Variants in GXYLT1 observed in about 807,000 individuals in gnomAD.
GXYLT1 encodes the protein glucoside xylosyltransferase 1, also known as glycosyltransferase 8 domain containing 3.
In GXYLT1, 29 loss-of-function variants were observed where a neutral mutation model predicts 54.0. The ratio of observed to expected loss-of-function variants is 0.54; its 90% confidence interval spans 0.40 to 0.73. The LOEUF (loss-of-function observed/expected upper bound fraction) is 0.73, where lower values mean the gene tolerates loss of function less well. GXYLT1 is among the 30% of genes least tolerant of loss of function. GXYLT1 has a pLI of 0.00. For synonymous variants in GXYLT1, 176 were observed against 204.1 expected, an observed-to-expected ratio of 0.86 and a Z score of 1.17; for missense variants, 490 against 553.4, an observed-to-expected ratio of 0.89 and a Z score of 1.15.
At chr12:42,095,451 A>G (rs925207490) in intron 7 of GXYLT1, among the ~76,000 whole-genome samples, 1 of 152,210 alleles carries the variant, frequency 6.6e-6, no homozygotes, top group African/African-American at 2.4e-5. Context: ...AAAACTGAGG[A>G]AAATATCTCC....
At chr12:42,088,430 G>A (rs2136869775) in intron 7 of GXYLT1, among the ~76,000 whole-genome samples, 1 of 152,200 alleles carries the variant, frequency 6.6e-6, no homozygotes. Context: ...AACCCTAACT[G>A]CACAGAAGGA....
intron 5 of GXYLT1, among the ~76,000 whole-genome samples, chr12:42,105,051 A>C (rs1381138807): frequency 6.6e-6 from 1 of 152,198 alleles, no homozygotes; most frequent in African/African-American, 2.4e-5. Flanking sequence ...CATACTTAAA[A>C]GTTAACTAAG....
intron 4 of GXYLT1, among the ~76,000 whole-genome samples, chr12:42,108,544 G>A (rs574154763): frequency 3.9e-5 from 6 of 152,080 alleles, no homozygotes; most frequent in East Asian, 3.9e-4. Flanking sequence ...CAAAACCTAC[G>A]TGAAGTATCT....
At chr12:42,088,043 T>C in intron 7 of GXYLT1, 96 bp from the exon 8 acceptor site, 1 of 550,888 alleles carries the variant, frequency 1.8e-6, no homozygotes. Context: ...CAGTTTAATA[T>C]GAACGATCTC....
At chr12:42,133,831 A>G (rs2065605557) in intron 1 of GXYLT1, among the ~76,000 whole-genome samples, 1 of 152,146 alleles carries the variant, frequency 6.6e-6, no homozygotes, top group Admixed American at 6.5e-5. Context: ...AAGGTGAGAG[A>G]CCTAACCAAC....
rs763067994 is a variant in GXYLT1 at position 42,138,520 on chromosome 12, T to C, written c.221+5906A>G. Among the ~76,000 whole-genome samples, 14 of 129,642 alleles carry C rather than the reference T, an allele frequency of 1.1e-4. No homozygotes were observed. The South Asian group carries it at 1.1e-3, about 11-fold the overall frequency. 85.1% of individuals were successfully genotyped at this position (129,642 alleles called of 152,430 possible). A position where few individuals can be genotyped will look rare whatever the true frequency, so the allele number is the denominator to read the frequency against. ...CCCCCAGCTCCCCCACAAAGCTGGATTGATTTAAATCTAAAAAAGGGAGGG... is the reference window on the plus strand; with the variant it reads ...CCCCCAGCTCCCCCACAAAGCTGGACTGATTTAAATCTAAAAAAGGGAGGG... On this transcript the variant is annotated intron_variant, in intron 1 of 7. Coordinates refer to ENST00000398675, the MANE Select transcript of GXYLT1 (RefSeq NM_173601.2).
intron 2 of GXYLT1, among the ~76,000 whole-genome samples, chr12:42,126,312 C>T (rs1342686562): frequency 6.6e-6 from 1 of 151,970 alleles, no homozygotes; most frequent in Non-Finnish European, 1.5e-5. Flanking sequence ...TGACCTCAGG[C>T]GATCGGCACG....
At position 42,095,682 on chromosome 12, in the gene GXYLT1, T is replaced by C. The variant is rs181591164; in HGVS notation, c.1161+1760A>G. 2.6e-5 allele frequency among the ~76,000 whole-genome samples: 4 copies of C among 152,202 alleles called. No homozygotes were observed. In the East Asian group the frequency reaches 5.8e-4, roughly 22 times the overall value. On this transcript the variant is annotated intron_variant, in intron 7 of 7. Coordinates refer to ENST00000398675, the MANE Select transcript of GXYLT1 (RefSeq NM_173601.2). ...CAGGTTACATCTGAGTAAACCCTTA[T>C]GTTATTCTGACTTTGTGAAGTATAT...
chr12:42,140,290 T>C (rs1202147565), intron 1 of GXYLT1, among the ~76,000 whole-genome samples: 1 of 142,424 alleles, frequency 7.0e-6, no homozygotes, highest in Non-Finnish European at 1.5e-5. Flanking sequence ...CTGGAGCACA[T>C]ATCTAAAACA....
rs142012385 is a variant in GXYLT1 at position 42,110,188 on chromosome 12, T to C, written c.487-497A>G. On this transcript the variant is annotated intron_variant, in intron 3 of 7. Transcript: ENST00000398675. Reference sequence around the variant, plus strand: ...ATATTTCTGAGAATATTCTGATACATAGCCAATGCCAATTTTTTAAAAATT... The same window carrying C: ...ATATTTCTGAGAATATTCTGATACACAGCCAATGCCAATTTTTTAAAAATT... Among the ~76,000 whole-genome samples the C allele has an allele frequency of 1.6e-4, 25 of 152,358 alleles. No homozygotes were observed. In the East Asian group the frequency reaches 4.2e-3, roughly 26 times the overall value.
chr12:42,125,305 G>C (rs945467163), intron 2 of GXYLT1, among the ~76,000 whole-genome samples: 5 of 152,178 alleles, frequency 3.3e-5, no homozygotes, highest in African/African-American at 1.2e-4. Context: ...CATGAGTTCA[G>C]GTTTGAACAT....
chr12:42,112,193 A>G (rs1007960035), intron 3 of GXYLT1, among the ~76,000 whole-genome samples: 5 of 151,916 alleles, frequency 3.3e-5, no homozygotes, highest in Admixed American at 1.3e-4. Context: ...AAAGATGGGG[A>G]AAAAAACAGA....
intron 4 of GXYLT1, among the ~76,000 whole-genome samples, chr12:42,107,262 C>T (rs1373317427): frequency 6.6e-6 from 1 of 152,160 alleles, no homozygotes; most frequent in Non-Finnish European, 1.5e-5. Flanking sequence ...TAATGAGCAG[C>T]TACTAGGCTG....
intron 3 of GXYLT1, among the ~76,000 whole-genome samples, chr12:42,116,543 G>A (rs9738145): frequency 0.51 from 78,041 of 151,990 alleles, 20,475 homozygotes; most frequent in South Asian, 0.7. Flanking sequence ...ACCATCACTG[G>A]CCATCAGAGA....
At chr12:42,116,740 A>T (rs2065497984) in intron 3 of GXYLT1, among the ~76,000 whole-genome samples, 1 of 152,210 alleles carries the variant, frequency 6.6e-6, no homozygotes, top group African/African-American at 2.4e-5. Flanking sequence ...GGGATCTAGA[A>T]CTAGAAATAC....
chr12:42,107,690 CA>C (rs1231269033), intron 4 of GXYLT1, among the ~76,000 whole-genome samples: 3 of 146,698 alleles, frequency 2.0e-5, no homozygotes, highest in Admixed American at 6.8e-5. Flanking sequence ...GACTCTGTCT[CA>C]AAAAAAAAGG....
chr12:42,088,975 T>C (rs772312963), intron 7 of GXYLT1, among the ~76,000 whole-genome samples: 3 of 151,888 alleles, frequency 2.0e-5, no homozygotes, highest in African/African-American at 2.4e-5. Context: ...GTTTAAAACA[T>C]GGGTTTTGTC....
intron 1 of GXYLT1, among the ~76,000 whole-genome samples, chr12:42,130,570 T>G (rs10880252): frequency 0.18 from 26,593 of 151,842 alleles, 2,374 homozygotes; most frequent in Admixed American, 0.23. Flanking sequence ...TATATAGAGA[T>G]TCCTCAAAAA....
intron 1 of GXYLT1, among the ~76,000 whole-genome samples, chr12:42,136,779 C>CATACATACATAT (rs2065621983): frequency 1.3e-5 from 2 of 151,860 alleles, no homozygotes; most frequent in Admixed American, 1.3e-4. Context: ...TACATACATA[C>CATACATACATAT]ATACATACAA....
Sources: allele counts gnomAD v4.1 joint callset (sites outside exome capture counted in the v4.1 genomes callset), GRCh38; gene constraint gnomAD v4.1.1; transcripts MANE v1.5; gene names NCBI Gene and HGNC (gene_info 2026-07-23, HGNC 2026-07-21).